Variants in ADPGK observed in about 807,000 individuals in gnomAD.
The protein encoded by ADPGK is ADP dependent glucokinase.
Under a neutral mutation model 42.4 loss-of-function variants are expected in ADPGK, and 26 were observed. The ratio of observed to expected loss-of-function variants is 0.61; its 90% CI spans 0.45 to 0.85. ADPGK has a LOEUF of 0.85. Ranked by LOEUF, ADPGK falls within the 40% of genes least tolerant of loss-of-function variation. ADPGK has a pLI of 0.00. For missense variants in ADPGK, 571 were observed against 627.0 expected (o/e 0.91, Z 0.95); for synonymous variants, 267 against 252.6 (o/e 1.06, Z -0.54).
chr15:72,762,032 C>T (rs1368475877), intron 3 of ADPGK, among the ~76,000 whole-genome samples: 1 of 151,990 alleles, frequency 6.6e-6, no homozygotes, highest in Non-Finnish European at 1.5e-5. Flanking sequence ...CCACCAGGCC[C>T]AGCTAATTTT....
intron 4 of ADPGK, chr15:72,760,193 C>T: frequency 2.7e-6 from 1 of 372,340 alleles, no homozygotes; most frequent in Non-Finnish European, 4.6e-6. Context: ...TGCTTGTAGA[C>T]CTGGGAATTT....
intron 3 of ADPGK, among the ~76,000 whole-genome samples, chr15:72,762,745 G>A (rs1026551547): frequency 6.6e-6 from 1 of 152,170 alleles, no homozygotes; most frequent in Non-Finnish European, 1.5e-5. Context: ...ACTTTGGGAG[G>A]CTGAGACAGG....
rs530034257 is a variant in ADPGK, at chr15:72,779,554, A to G, written c.233+3905T>C. 6.6e-5 allele frequency among the ~76,000 whole-genome samples: 10 copies of G among 152,126 alleles called. No individual in the cohort carries two copies. In the East Asian group the frequency reaches 1.9e-3, roughly 29 times the overall value. ...GCCACCATGCCTGCCGGGTTTCATC[A>G]TTTTTAAACCAATGAATAGGTACCA... On this transcript the variant is annotated intron_variant, in intron 1 of 6. Transcript: ENST00000456471.
Position 72,783,626 on chromosome 15 carries a change from C to T in ADPGK, c.66G>A (p.Leu22=), listed in dbSNP as rs2066499232. The T allele has an allele frequency of 1.3e-6, 2 of 1,514,706 alleles. No homozygotes were observed. The highest frequency in any genetic ancestry group is 2.0e-5 in the Admixed American group (1 of 49,214). The allele number at this position is 1,514,706 out of a possible 1,614,324, so 93.8% of individuals were successfully genotyped here. The part of the protein sequence containing the change: ...FLALAVGCVF[L]LEPELPGSAL... ...CCGAGCCTGGCAGCTCTGGCTCCAG[C>T]AGGAAGACGCAGCCCACGGCCAGCG... Residue 22 remains leucine (L), a synonymous_variant, in exon 1 of 7, where the codon CTG becomes CTA. Coordinates refer to ENST00000456471, the MANE Select transcript of ADPGK (RefSeq NM_001365225.1).
In ADPGK at chr15:72,775,038, A is replaced by C. The variant is rs751021594; in HGVS notation, c.293T>G (p.Leu98Arg). The C allele has an allele frequency of 1.2e-6, 2 of 1,614,204 alleles. No homozygotes were observed. Among genetic ancestry groups the C allele is most frequent in the Non-Finnish European group, 1.7e-6 (2 of 1,180,036 alleles). The change falls in exon 2 of 7, where the codon CTT becomes CGT. Residue 98 changes from leucine to arginine, a missense_variant. Coordinates refer to ENST00000456471, the MANE Select transcript of ADPGK (RefSeq NM_001365225.1). ...SGVKLLQALG[L>R]SPGNGKDHSI... ...GTGATCTTTCCCATTCCCAGGACTAAGGCCAAGTGCCTGCAAGAGCTTCAC... is the reference window on the plus strand; with the variant it reads ...GTGATCTTTCCCATTCCCAGGACTACGGCCAAGTGCCTGCAAGAGCTTCAC...
rs2066141145 is a variant in ADPGK, at chr15:72,758,206, A to C, written c.644-1759T>G. ...TATTCATGGCCCCGTTGGAGAGGCC[A>C]TGCAGGGGGCAGATGCAAATGGATC... On this transcript the variant is annotated intron_variant, in intron 4 of 6. Coordinates refer to ENST00000456471, the MANE Select transcript of ADPGK (RefSeq NM_001365225.1). The C allele has an allele frequency of 2.2e-6, 3 of 1,355,010 alleles. No individual in the cohort carries two copies. In the East Asian group the frequency reaches 6.9e-5, roughly 31 times the overall value. 83.9% of individuals were successfully genotyped at this position (1,355,010 alleles called of 1,614,324 possible).
chr15:72,773,447 T>C (rs1401186891), intron 2 of ADPGK, among the ~76,000 whole-genome samples: 1 of 152,256 alleles, frequency 6.6e-6, no homozygotes, highest in Non-Finnish European at 1.5e-5. Flanking sequence ...GTAAGATATC[T>C]ACAAAGTGGA....
At chr15:72,781,039 CAGAG>C (rs541777852) in intron 1 of ADPGK, among the ~76,000 whole-genome samples, 98 of 152,270 alleles carry the variant, frequency 6.4e-4, no homozygotes, top group African/African-American at 2.3e-3. Flanking sequence ...GTCTGTGTGA[CAGAG>C]AGTGTGAATA....
chr15:72,777,068 T>C (rs867028349), intron 1 of ADPGK, among the ~76,000 whole-genome samples: 2 of 152,324 alleles, frequency 1.3e-5, no homozygotes, highest in Middle Eastern at 6.8e-3. Context: ...CTTAAAGATA[T>C]GTTTAAAATC....
chr15:72,782,699 G>A (rs2066479045), intron 1 of ADPGK: 1 of 152,108 alleles, frequency 6.6e-6, no homozygotes, highest in African/African-American at 2.4e-5. Context: ...GAGCTACATG[G>A]TAGAGGGCCT....
intron 3 of ADPGK, among the ~76,000 whole-genome samples, chr15:72,763,740 G>A (rs2066224315): frequency 6.6e-6 from 1 of 152,182 alleles, no homozygotes; most frequent in Non-Finnish European, 1.5e-5. Flanking sequence ...AGATACTGCA[G>A]TTTTTACAAA....
rs1476558544 is a variant in ADPGK, at chr15:72,782,541, AAAAAAAAC to A, written c.233+910_233+917del. Among the ~76,000 whole-genome samples, 5 of 150,976 alleles carry A rather than the reference AAAAAAAAC, an allele frequency of 3.3e-5. No individual in the cohort carries two copies. In the South Asian group the frequency reaches 8.4e-4, roughly 25 times the overall value. On this transcript the variant is annotated intron_variant, in intron 1 of 6. Transcript: ENST00000456471. ...GACCCTGTGTCCAAAAAAAAAAAAA[AAAAAAAAC>A]CCCAAAATTATAGCTAATATCGAAT...
intron 3 of ADPGK, among the ~76,000 whole-genome samples, chr15:72,767,057 G>T (rs2066269671): frequency 6.6e-6 from 1 of 151,896 alleles, no homozygotes; most frequent in African/African-American, 2.4e-5. Context: ...TACACTTTAA[G>T]GTAAAAAGAT....
In ADPGK at chr15:72,752,645, G is replaced by A. The variant is rs781016931; in HGVS notation, c.1190C>T (p.Ala397Val). 3 of 1,614,220 alleles carry A rather than the reference G, an allele frequency of 1.9e-6. No homozygotes were observed. Among genetic ancestry groups the A allele is most frequent in the Middle Eastern group, 1.6e-4 (1 of 6,062 alleles). The change falls in exon 7 of 7, where the codon GCC (alanine) becomes GTC (valine). Residue 397 changes from alanine (A) to valine (V), a missense_variant. Coordinates refer to ENST00000456471, the MANE Select transcript of ADPGK (RefSeq NM_001365225.1). ...TGCAGCCACGGCTGCCAGCTGGTTG[G>A]CCCAGTGTCCATCCACAGTTGCCAG... ...HILATVDGHW[A>V]NQLAAVAAGA...
intron 4 of ADPGK, chr15:72,757,857 G>GAGCC (rs1383803626): frequency 4.4e-5 from 21 of 477,632 alleles, no homozygotes; most frequent in Non-Finnish European, 1.1e-5. Context: ...TAGGAGAAAG[G>GAGCC]AGCCACACTG....
rs757574877 is a variant in ADPGK at position 72,752,435 on chromosome 15, A to G, written c.1400T>C (p.Val467Ala). The change falls in exon 7 of 7, where the codon GTA becomes GCA. Residue 467 changes from valine to alanine, a missense_variant. Val to Ala is a moderately conservative substitution (Grantham distance 64, BLOSUM62 0). This residue lies in a region of ADPGK where 434 missense variants were observed against 522.7 expected (regional missense o/e 0.83). Coordinates refer to ENST00000456471, the MANE Select transcript of ADPGK (RefSeq NM_001365225.1). The part of the protein sequence containing the change: ...REGISFHFTP[V>A]LVCKDPIRTV... ...TCGAATGGGGTCTTTACACACCAAT[A>G]CTGGTGTGAAGTGGAAGGATATTCC... is the stretch of plus-strand genomic sequence containing the variant. 5.6e-6 allele frequency: 9 copies of G among 1,614,110 alleles called. No individual in the cohort carries two copies. Among genetic ancestry groups the G allele is most frequent in the Non-Finnish European group, 7.6e-6 (9 of 1,180,052 alleles).
intron 2 of ADPGK, among the ~76,000 whole-genome samples, 173 bp downstream of exon 2, chr15:72,774,699 G>C (rs980073879): frequency 6.6e-6 from 1 of 152,140 alleles, no homozygotes; most frequent in Non-Finnish European, 1.5e-5. Flanking sequence ...AAATGATTCT[G>C]ACACATGCTC....
chr15:72,769,800 C>G (rs1290781888), intron 3 of ADPGK, among the ~76,000 whole-genome samples: 3 of 152,182 alleles, frequency 2.0e-5, no homozygotes, highest in Non-Finnish European at 4.4e-5. Context: ...CCACTCTACT[C>G]ATTATCAGGT....
chr15:72,758,171 A>G, intron 4 of ADPGK: 3 of 1,569,978 alleles, frequency 1.9e-6, no homozygotes, highest in Non-Finnish European at 2.6e-6. Context: ...AGACACAAAC[A>G]CCTCCAGCAT....
Sources: gnomAD v4.1 joint callset for allele counts (sites outside exome capture counted in the v4.1 genomes callset) on GRCh38, gnomAD v4.1.1 for gene constraint, gnomAD v4.1.1 regional missense constraint, MANE v1.5 for transcripts, NCBI Gene and HGNC (gene_info 2026-07-23, HGNC 2026-07-21) for gene names.